HCN1: variants seen among roughly 807,000 people sequenced by gnomAD.
HCN1 encodes the protein potassium/sodium hyperpolarization-activated cyclic nucleotide-gated channel 1.
A neutral mutation model predicts 78.9 loss-of-function variants in HCN1; 13 were observed. The observed-to-expected ratio is 0.16, with a 90% CI of 0.11 to 0.26. The LOEUF is 0.26. HCN1 is among the 10% of genes least tolerant of loss of function. The probability of loss-of-function intolerance (pLI) is 1.00; values close to 1 mark genes in which losing one functional copy is unlikely to be tolerated. For missense variants in HCN1, 810 were observed against 1,154.3 expected, an observed-to-expected ratio of 0.70 and a Z score of 4.32; for synonymous variants, 552 against 455.5, an observed-to-expected ratio of 1.21 and a Z score of -2.70.
intron 7 of HCN1, among the ~76,000 whole-genome samples, chr5:45,265,375 G>A (rs1288157561): frequency 1.3e-5 from 2 of 152,134 alleles, no homozygotes; most frequent in South Asian, 4.1e-4. Context: ...ACACTACAAA[G>A]AGGGAAGTTA....
chr5:45,691,184 C>T (rs1178075559), intron 1 of HCN1, among the ~76,000 whole-genome samples: 1 of 151,856 alleles, frequency 6.6e-6, no homozygotes, highest in African/African-American at 2.4e-5. Context: ...TATATCTTTC[C>T]AGTGCATTTA....
intron 4 of HCN1, among the ~76,000 whole-genome samples, chr5:45,353,863 C>G (rs1435584619): frequency 6.6e-6 from 1 of 151,870 alleles, no homozygotes; most frequent in African/African-American, 2.4e-5. Flanking sequence ...TACTGTATAG[C>G]TGAAAGTTAA....
intron 2 of HCN1, chr5:45,576,252 T>C (rs2111911420): frequency 6.6e-6 from 1 of 151,902 alleles, no homozygotes; most frequent in South Asian, 2.1e-4. Context: ...AGTGAAGTGG[T>C]TTCTTGAGAT....
At chr5:45,511,429 G>A (rs1023506685) in intron 2 of HCN1, among the ~76,000 whole-genome samples, 1 of 151,892 alleles carries the variant, frequency 6.6e-6, no homozygotes, top group African/African-American at 2.4e-5. Flanking sequence ...TAAACATTAT[G>A]GTAGATAAAT....
chr5:45,523,973 C>G (rs1405759500), intron 2 of HCN1, among the ~76,000 whole-genome samples: 2 of 152,090 alleles, frequency 1.3e-5, no homozygotes, highest in African/African-American at 4.8e-5. Flanking sequence ...AGGTTTTCTT[C>G]TAGGGTTTTT....
rs1036845419 is a variant in HCN1, at chr5:45,534,678, A to C, written c.850-72671T>G. ...TACGAGATTCTAAGCCAAAAAAAAA[A>C]TAAACATTAGGCTCATCTTGTATCA... On this transcript the variant is annotated intron_variant, in intron 2 of 7. Coordinates refer to ENST00000303230, the MANE Select transcript of HCN1 (RefSeq NM_021072.4). 2.0e-5 allele frequency among the ~76,000 whole-genome samples: 3 copies of C among 151,936 alleles called. No individual in the cohort carries two copies. In the East Asian group the frequency reaches 5.8e-4, roughly 29 times the overall value.
At chr5:45,325,073 G>A (rs1200876717) in intron 5 of HCN1, among the ~76,000 whole-genome samples, 1 of 151,622 alleles carries the variant, frequency 6.6e-6, no homozygotes, top group Non-Finnish European at 1.5e-5. Context: ...GGAACAGAAT[G>A]TACTCAGGAT....
At chr5:45,583,696 A>T (rs1162403800) in intron 2 of HCN1, among the ~76,000 whole-genome samples, 1 of 151,672 alleles carries the variant, frequency 6.6e-6, no homozygotes, top group Non-Finnish European at 1.5e-5. Flanking sequence ...CACTGCTCTG[A>T]ATGTGTCCCA....
intron 2 of HCN1, among the ~76,000 whole-genome samples, chr5:45,590,365 T>A (rs1744333257): frequency 6.6e-6 from 1 of 152,204 alleles, no homozygotes; most frequent in Non-Finnish European, 1.5e-5. Context: ...ATCTACCCAC[T>A]GCCCTCACAC....
intron 2 of HCN1, among the ~76,000 whole-genome samples, chr5:45,613,164 C>T (rs907340411): frequency 7.9e-6 from 1 of 125,922 alleles, no homozygotes; most frequent in South Asian, 2.9e-4. Context: ...CTCCCCCCAC[C>T]CCACAACAGT....
intron 6 of HCN1, among the ~76,000 whole-genome samples, chr5:45,275,505 A>G (rs1357388339): frequency 6.6e-6 from 1 of 152,144 alleles, no homozygotes; most frequent in Non-Finnish European, 1.5e-5. Context: ...ATTAAGGTTT[A>G]CACTTTCTAC....
chr5:45,457,020 A>G (rs1375379317), intron 3 of HCN1, among the ~76,000 whole-genome samples: 1 of 152,102 alleles, frequency 6.6e-6, no homozygotes, highest in African/African-American at 2.4e-5. Context: ...AATTCATAAC[A>G]TGCTATGTTA....
chr5:45,461,843 T>C lies in HCN1; in HGVS notation c.1011+3A>G. 1.9e-6 allele frequency: 3 copies of C among 1,612,420 alleles called. No homozygotes were observed. Among genetic ancestry groups the C allele is most frequent in the Non-Finnish European group, 2.5e-6 (3 of 1,178,768 alleles). ...AGAGTGTAAAATAACAGAATTTACT[T>C]ACAACCATTTCATTTAAAGACACCC... On this transcript the variant is annotated splice_donor_region_variant and intron_variant, in intron 3 of 7. Transcript: ENST00000303230.
chr5:45,391,952 G>A (rs1052308766), intron 4 of HCN1, among the ~76,000 whole-genome samples: 1 of 152,094 alleles, frequency 6.6e-6, no homozygotes, highest in Non-Finnish European at 1.5e-5. Context: ...AGGGGTAAAA[G>A]TATTTAAGGG....
intron 2 of HCN1, among the ~76,000 whole-genome samples, chr5:45,631,766 T>C (rs1222315750): frequency 1.3e-5 from 2 of 152,166 alleles, no homozygotes; most frequent in African/African-American, 4.8e-5. Flanking sequence ...GAAACTATTT[T>C]GATTGTTTCT....
chr5:45,315,059 C>A (rs138178193), intron 5 of HCN1, among the ~76,000 whole-genome samples: 1 of 152,090 alleles, frequency 6.6e-6, no homozygotes, highest in Non-Finnish European at 1.5e-5. Context: ...CTGCACCAAG[C>A]GGACCTAATA....
chr5:45,426,862 A>G (rs1239154376), intron 3 of HCN1, among the ~76,000 whole-genome samples: 1 of 152,202 alleles, frequency 6.6e-6, no homozygotes, highest in East Asian at 1.9e-4. Flanking sequence ...ATTTTAAACT[A>G]TAGTGTAGAC....
chr5:45,630,617 C>T (rs1745254713), intron 2 of HCN1, among the ~76,000 whole-genome samples: 1 of 152,114 alleles, frequency 6.6e-6, no homozygotes, highest in Admixed American at 6.6e-5. Context: ...CTCTGTATAC[C>T]TAAGCTATGA....
chr5:45,695,199 C>A (rs1739981937), intron 1 of HCN1: 2 of 183,902 alleles, frequency 1.1e-5, no homozygotes, highest in Admixed American at 6.1e-5. Context: ...AGGAACTGCT[C>A]GGGCTTGTGA....
Sources: gnomAD v4.1 joint callset for allele counts (sites outside exome capture counted in the v4.1 genomes callset) on GRCh38, gnomAD v4.1.1 for gene constraint, MANE v1.5 for transcripts, NCBI Gene and HGNC (gene_info 2026-07-23, HGNC 2026-07-21) for gene names.